The following FRMPD2 variants were observed in gnomAD, a reference collection of about 807,000 sequenced individuals.
FRMPD2 encodes the protein FERM and PDZ domain-containing protein 2.
In FRMPD2, 96 loss-of-function variants were observed where a neutral mutation model predicts 140.1. The observed-to-expected ratio is 0.69, with a 90% CI of 0.58 to 0.81. FRMPD2 has a LOEUF of 0.81. FRMPD2 is among the 40% of genes least tolerant of loss of function. The probability of loss-of-function intolerance (pLI) is 0.00; values close to 1 mark genes in which losing one functional copy is unlikely to be tolerated. For missense variants in FRMPD2, 1,240 were observed against 1,447.4 expected (o/e 0.86, Z 2.32); for synonymous variants, 449 against 547.6 (o/e 0.82, Z 2.52).
intron 7 of FRMPD2, among the ~76,000 whole-genome samples, 199 bp from the exon 8 acceptor site, chr10:48,238,322 C>A (rs1840018724): frequency 6.6e-6 from 1 of 152,146 alleles, no homozygotes; most frequent in Non-Finnish European, 1.5e-5. Flanking sequence ...TGCACAGCCA[C>A]TGGGGTGGGG....
At chr10:48,159,995 C>G (rs1343187140) in intron 28 of FRMPD2, among the ~76,000 whole-genome samples, 5 of 151,366 alleles carry the variant, frequency 3.3e-5, no homozygotes, top group South Asian at 2.1e-4. Context: ...TCATCTGAGG[C>G]TCGACCAAAC....
At chr10:48,214,319 T>C (rs1255478480) in intron 12 of FRMPD2, among the ~76,000 whole-genome samples, 2 of 152,230 alleles carry the variant, frequency 1.3e-5, no homozygotes, top group African/African-American at 2.4e-5. Context: ...CCATATTCTA[T>C]TTGACTTCAA....
chr10:48,171,577 GTCA>G (rs1260762092), intron 25 of FRMPD2, among the ~76,000 whole-genome samples: 7 of 152,394 alleles, frequency 4.6e-5, no homozygotes, highest in African/African-American at 1.7e-4. Flanking sequence ...ACTTCAACAT[GTCA>G]TCAATATGAA....
upstream of FRMPD2, chr10:48,274,828 C>T (rs543772424): frequency 1.1e-4 from 51 of 485,106 alleles, no homozygotes; most frequent in Middle Eastern, 1.1e-3. Context: ...CAGCAGCCTG[C>T]GTCCTCAAAG....
At position 48,242,311 on chromosome 10, in the gene FRMPD2, G is replaced by A; in HGVS notation, c.417C>T (p.Thr139=). The A allele has an allele frequency of 6.2e-7, 1 of 1,614,084 alleles. No homozygotes were observed. The highest frequency in any genetic ancestry group is 8.5e-7 in the Non-Finnish European group (1 of 1,179,976). The change falls in exon 5 of 29, where the codon ACC becomes ACT. Residue 139 remains threonine, a synonymous_variant. Coordinates refer to ENST00000374201, the MANE Select transcript of FRMPD2 (RefSeq NM_001018071.4). ...GCCTGTGAGGCTGGTCTTCACACAT[G>A]GTCAGCAGGATGGAGTGCAGGGGCT... ...LCEPLHSILL[T]MCEDQPHRRC... is the part of the protein sequence containing the mutation.
intron 1 of FRMPD2, among the ~76,000 whole-genome samples, chr10:48,272,337 T>C (rs188298015): frequency 2.6e-5 from 4 of 152,354 alleles, no homozygotes; most frequent in Admixed American, 2.6e-4. Flanking sequence ...TTGTTAAATT[T>C]CCAGAAATTT....
At chr10:48,237,882 G>T in intron 8 of FRMPD2, 109 bp downstream of exon 8, 1 of 1,314,372 alleles carries the variant, frequency 7.6e-7, no homozygotes. Flanking sequence ...CTCAGCCCAG[G>T]GAAGTTGTCC....
At position 48,257,442 on chromosome 10, in the gene FRMPD2, G is replaced by T. The variant is rs1315696725; in HGVS notation, c.26-5751C>A. On this transcript the variant is annotated intron_variant, in intron 1 of 28. Coordinates refer to ENST00000374201, the MANE Select transcript of FRMPD2 (RefSeq NM_001018071.4). Reference sequence around the variant, plus strand: ...TTACAGGCTCCCACCATCACTCCAGGCTAATTTTTATATTTTTAGTAGAGA... The same window carrying T: ...TTACAGGCTCCCACCATCACTCCAGTCTAATTTTTATATTTTTAGTAGAGA... 1.3e-5 allele frequency among the ~76,000 whole-genome samples: 2 copies of T among 151,760 alleles called. 1 individual carries two copies. The highest frequency in any genetic ancestry group is 2.9e-5 in the Non-Finnish European group (2 of 67,948).
Position 48,244,773 on chromosome 10 carries a change from T to C in FRMPD2, c.375+11A>G. The C allele has an allele frequency of 6.2e-7, 1 of 1,608,200 alleles. No homozygotes were observed. The highest frequency in any genetic ancestry group is 1.7e-4 in the Middle Eastern group (1 of 6,056). On this transcript the variant is annotated intron_variant, in intron 4 of 28. Coordinates refer to ENST00000374201, the MANE Select transcript of FRMPD2 (RefSeq NM_001018071.4). ...CAGCCCGGCAAGACTTGGAGTATCT[T>C]GTTTACAAACCTGATGTGGCGGAAC...
chr10:48,232,309 C>A lies in FRMPD2; in HGVS notation c.994-20G>T, dbSNP rs1239861591. Reference sequence around the variant, plus strand: ...TTTGGTCTGAAAACAACAACAGTATCAATTATACTACAATTATAAGTCATT... The same window carrying A: ...TTTGGTCTGAAAACAACAACAGTATAAATTATACTACAATTATAAGTCATT... On this transcript the variant is annotated intron_variant, in intron 9 of 28. Transcript: ENST00000374201. The A allele has an allele frequency of 1.3e-6, 2 of 1,568,910 alleles. No individual in the cohort carries two copies.
chr10:48,187,255 C>T lies in FRMPD2; in HGVS notation c.2203G>A (p.Val735Met). The T allele has an allele frequency of 6.2e-7, 1 of 1,614,086 alleles. No individual in the cohort carries two copies. Among genetic ancestry groups the T allele is most frequent in the Non-Finnish European group, 8.5e-7 (1 of 1,180,006 alleles). ...TGREQLKSAC[V>M]IQKPMTWDSL... is the part of the protein sequence containing the mutation. ...TCCCAGGTCATTGGCTTCTGGATCA[C>T]ACAGGCACTCTTCAGCTGCTCCCGG... The change falls in exon 17 of 29, where the codon GTG becomes ATG. Residue 735 changes from valine (V) to methionine (M), a missense_variant. Val to Met is a conservative substitution (Grantham distance 21). Coordinates refer to ENST00000374201, the MANE Select transcript of FRMPD2 (RefSeq NM_001018071.4).
intron 15 of FRMPD2, among the ~76,000 whole-genome samples, chr10:48,197,686 A>G (rs537969327): frequency 6.6e-6 from 1 of 152,290 alleles, no homozygotes; most frequent in African/African-American, 2.4e-5. Context: ...ACTATATTAT[A>G]TTGCTCCCTT....
Position 48,201,097 on chromosome 10 carries a change from A to C in FRMPD2, c.1954+131T>G, listed in dbSNP as rs958191394. 6 of 569,754 alleles carry C rather than the reference A, an allele frequency of 1.1e-5. No individual in the cohort carries two copies. In the African/African-American group the frequency reaches 1.2e-4, roughly 11 times the overall value. 35.3% of individuals were successfully genotyped at this position (569,754 alleles called of 1,614,324 possible). The stretch of plus-strand genomic sequence containing the variant: ...TAAAACTGTATTTCATTTTTATTGT[A>C]TTTCTGTCATTATTAGAGAGATTTA... On this transcript the variant is annotated intron_variant, in intron 15 of 28. Transcript: ENST00000374201.
chr10:48,261,248 T>C (rs1043175820), intron 1 of FRMPD2, among the ~76,000 whole-genome samples: 38 of 151,994 alleles, frequency 2.5e-4, no homozygotes, highest in Admixed American at 1.6e-3. Context: ...GCTGAGAATA[T>C]TTCAAAATTG....
rs564810279 is a variant in FRMPD2 at position 48,273,585 on chromosome 10, A to G, written c.25+958T>C. On this transcript the variant is annotated intron_variant, in intron 1 of 28. Transcript: ENST00000374201. ...CTAGTGTTCGCTTAGCATTAAAGCC[A>G]TGCTCAAGCAACACCTCTCCCAGGA... 3.9e-5 allele frequency among the ~76,000 whole-genome samples: 6 copies of G among 152,208 alleles called. No individual in the cohort carries two copies. The South Asian group carries it at 1.3e-3, about 32-fold the overall frequency.
At chr10:48,222,637 C>T (rs997283597) in intron 11 of FRMPD2, among the ~76,000 whole-genome samples, 186 bp from the exon 12 acceptor site, 1 of 152,232 alleles carries the variant, frequency 6.6e-6, no homozygotes, top group African/African-American at 2.4e-5. Flanking sequence ...CCTCCTGCCC[C>T]TCGTTTAGGG....
chr10:48,222,434 T>A lies in FRMPD2; in HGVS notation c.1334A>T (p.His445Leu), dbSNP rs773094915. Residue 445 changes from histidine (H) to leucine (L), a missense_variant, in exon 12 of 29, where the codon CAC becomes CTC. By Grantham distance (99) the His-to-Leu change is moderately conservative. Around this residue, in one of 6 missense-constraint regions of FRMPD2, gnomAD observed 1,161 missense variants for 1,055.9 expected, o/e 1.10. Coordinates refer to ENST00000374201, the MANE Select transcript of FRMPD2 (RefSeq NM_001018071.4). The stretch of plus-strand genomic sequence containing the variant: ...TTTCCGAAGCTGCAGGTAAAACTGG[T>A]GCCTTGTCAGGCTGTGCCTGGAAAA... The part of the protein sequence containing the change: ...YGLLQHSLTR[H>L]QFYLQLRKDI... The A allele has an allele frequency of 1.9e-6, 3 of 1,613,928 alleles. No homozygotes were observed. The African/African-American group carries it at 4.0e-5, about 22-fold the overall frequency.
At chr10:48,216,580 A>G (rs891479755) in intron 12 of FRMPD2, among the ~76,000 whole-genome samples, 3 of 152,324 alleles carry the variant, frequency 2.0e-5, no homozygotes, top group Non-Finnish European at 4.4e-5. Context: ...TACAGACTGA[A>G]GGTTAGCAGT....
At chr10:48,241,870 G>A (rs1038914943) in intron 5 of FRMPD2, among the ~76,000 whole-genome samples, 5 of 152,156 alleles carry the variant, frequency 3.3e-5, no homozygotes, top group Non-Finnish European at 5.9e-5. Flanking sequence ...ATGTAAGGAC[G>A]CACTTGCAAA....
Sources: gnomAD v4.1 joint callset for allele counts (sites outside exome capture counted in the v4.1 genomes callset) on GRCh38, gnomAD v4.1.1 for gene constraint, gnomAD v4.1.1 regional missense constraint, MANE v1.5 for transcripts, NCBI Gene and HGNC (gene_info 2026-07-23, HGNC 2026-07-21) for gene names.